The following PSD4 variants were observed in gnomAD, a reference collection of about 807,000 sequenced individuals.
PSD4 encodes the protein PH and SEC7 domain-containing protein 4.
A neutral mutation model predicts 112.5 loss-of-function variants in PSD4; 59 were observed. The ratio of observed to expected loss-of-function variants is 0.52; its 90% CI spans 0.43 to 0.65. The LOEUF is 0.65. Ranked by LOEUF, PSD4 falls within the 30% of genes least tolerant of loss-of-function variation. The pLI, the probability that PSD4 is intolerant of heterozygous loss-of-function variation, is 0.00. For missense variants in PSD4, 1,267 were observed against 1,352.6 expected, an observed-to-expected ratio of 0.94 and a Z score of 0.99; for synonymous variants, 533 against 540.0, an observed-to-expected ratio of 0.99 and a Z score of 0.18.
At position 113,206,257 on chromosome 2, in the gene PSD4, G is replaced by C. The variant is rs1399068574; in HGVS notation, c.*4842G>C. The C allele has an allele frequency of 6.6e-6, 1 of 152,254 alleles. No homozygotes were observed. Among genetic ancestry groups the C allele is most frequent in the South Asian group, 2.1e-4 (1 of 4,836 alleles). The allele number at this position is 152,254 out of a possible 1,614,324, so 9.4% of individuals were successfully genotyped here. On this transcript the variant is annotated 3_prime_UTR_variant, in exon 17 of 17. Coordinates refer to ENST00000245796, the MANE Select transcript of PSD4 (RefSeq NM_012455.3). ...TGTGATGAATTCACGGTATGTGTGG[G>C]CTTTGCCAACTGTTCCCAGCCCTTA...
In PSD4 at chr2:113,207,621, T is replaced by A. The variant is rs7563124; in HGVS notation, c.*6206T>A. Reference sequence around the variant, plus strand: ...ACAGGCGCCCGCTACCATGCCCGGCTAATTTTTTTGTATTTTTAGTAGAGA... The same window carrying A: ...ACAGGCGCCCGCTACCATGCCCGGCAAATTTTTTTGTATTTTTAGTAGAGA... On this transcript the variant is annotated 3_prime_UTR_variant, in exon 17 of 17. Coordinates refer to ENST00000245796, the MANE Select transcript of PSD4 (RefSeq NM_012455.3). 39,819 of 151,210 alleles carry A rather than the reference T, an allele frequency of 0.26. 5,636 individuals carry two copies. The highest frequency in any genetic ancestry group is 0.39 in the African/African-American group (15,968 of 41,086). The allele number at this position is 151,210 out of a possible 1,614,324, so 9.4% of individuals were successfully genotyped here.
chr2:113,192,060 A>G (rs1228797683), intron 5 of PSD4, among the ~76,000 whole-genome samples: 2 of 151,834 alleles, frequency 1.3e-5, no homozygotes, highest in East Asian at 3.9e-4. Context: ...CGTGCCTTGC[A>G]TTGGAGAAAA....
Position 113,193,320 on chromosome 2 carries a change from A to T in PSD4, c.1982A>T (p.Gln661Leu). The change falls in exon 8 of 17, where the codon CAG (glutamine) becomes CTG (leucine). Residue 661 changes from glutamine to leucine, a missense_variant. Coordinates refer to ENST00000245796, the MANE Select transcript of PSD4 (RefSeq NM_012455.3). Reference sequence around the variant, plus strand: ...CAGGAACGGGAGCGAATCCTCTACCAGTTCTCCAGACGCTTCCACCATTGC... The same window carrying T: ...CAGGAACGGGAGCGAATCCTCTACCTGTTCTCCAGACGCTTCCACCATTGC... ...ETQERERILY[Q>L]FSRRFHHCNP... 6.2e-7 allele frequency: 1 copy of T among 1,601,530 alleles called. No homozygotes were observed. Among genetic ancestry groups the T allele is most frequent in the Non-Finnish European group, 8.5e-7 (1 of 1,176,198 alleles).
chr2:113,200,383 G>A (rs899085443), intron 16 of PSD4, among the ~76,000 whole-genome samples: 26 of 152,172 alleles, frequency 1.7e-4, no homozygotes, highest in African/African-American at 7.2e-5. Context: ...ACCAGGAAGT[G>A]GGAGTCAACA....
chr2:113,176,335 G>T (rs142573916), intron 1 of PSD4, among the ~76,000 whole-genome samples: 18 of 152,312 alleles, frequency 1.2e-4, no homozygotes, highest in Admixed American at 3.9e-4. Context: ...CTGCCTTCTA[G>T]TCCCTCAGCC....
At chr2:113,186,594 C>T (rs140648691) in intron 5 of PSD4, among the ~76,000 whole-genome samples, 244 of 152,286 alleles carry the variant, frequency 1.6e-3, no homozygotes, top group Middle Eastern at 0.014. Context: ...CCCAGAAAAA[C>T]GGGAGCCATG....
intron 12 of PSD4, chr2:113,197,208 C>A: frequency 2.7e-6 from 1 of 369,290 alleles, no homozygotes; most frequent in Non-Finnish European, 5.2e-6. Flanking sequence ...CCTGCAGGGA[C>A]TAGAAAGCTG....
chr2:113,174,347 G>A (rs1687907850), intron 1 of PSD4, among the ~76,000 whole-genome samples: 1 of 152,098 alleles, frequency 6.6e-6, no homozygotes, highest in Non-Finnish European at 1.5e-5. Context: ...CCCTTCCCTG[G>A]CTCCCCGCAG....
chr2:113,194,559 T>C (rs963034198), intron 10 of PSD4, among the ~76,000 whole-genome samples: 5 of 152,232 alleles, frequency 3.3e-5, no homozygotes, highest in Non-Finnish European at 7.3e-5. Context: ...ATTTTCACTA[T>C]TGTGTGAACA....
chr2:113,179,454 G>A (rs574756731), intron 1 of PSD4, among the ~76,000 whole-genome samples: 28 of 152,324 alleles, frequency 1.8e-4, no homozygotes, highest in Admixed American at 1.6e-3. Context: ...GACCCCAAGA[G>A]AGGGTTCTTG....
In PSD4 at chr2:113,184,990, C is replaced by G; in HGVS notation, c.1090C>G (p.Pro364Ala). The G allele has an allele frequency of 1.9e-6, 3 of 1,614,240 alleles. No individual in the cohort carries two copies. The South Asian group carries it at 3.3e-5, about 18-fold the overall frequency. Reference sequence around the variant, plus strand: ...GCTTGGTCCTGCTCCATCTGCAGCACCGTGTGTGGACGAAGCATTGACCTG... The same window carrying G: ...GCTTGGTCCTGCTCCATCTGCAGCAGCGTGTGTGGACGAAGCATTGACCTG... ...DRLGPAPSAA[P>A]CVDEALTWES... Residue 364 changes from proline (P) to alanine (A), a missense_variant, in exon 3 of 17, where the codon CCG becomes GCG. By Grantham distance (27) the Pro-to-Ala change is conservative. This residue lies in a region of PSD4 where 723 missense variants were observed against 704.0 expected (regional missense o/e 1.03). Transcript: ENST00000245796.
At position 113,186,036 on chromosome 2, in the gene PSD4, C is replaced by A; in HGVS notation, c.1409C>A (p.Pro470Gln). ...PSPASSQEGSPQLQHHSSGIL... is the reference protein window; with the variant it reads ...PSPASSQEGSQQLQHHSSGIL... ...CCTGCATCGTCCCAGGAGGGCAGCC[C>A]GCAGCTTCAACACCACAGCTCAGGC... Residue 470 changes from proline (P) to glutamine (Q), a missense_variant, in exon 5 of 17, where the codon CCG becomes CAG. Pro to Gln is a moderately conservative substitution (Grantham distance 76, BLOSUM62 -1). Coordinates refer to ENST00000245796, the MANE Select transcript of PSD4 (RefSeq NM_012455.3). The A allele has an allele frequency of 6.2e-7, 1 of 1,614,202 alleles. No individual in the cohort carries two copies. Among genetic ancestry groups the A allele is most frequent in the Non-Finnish European group, 8.5e-7 (1 of 1,180,030 alleles).
chr2:113,198,440 T>G, intron 14 of PSD4: 1 of 311,018 alleles, frequency 3.2e-6, no homozygotes, highest in Non-Finnish European at 5.8e-6. Flanking sequence ...CCTGGCTAAT[T>G]TGTGTATTTT....
chr2:113,205,725 T>C lies in PSD4; in HGVS notation c.*4310T>C, dbSNP rs1455996367. 6.6e-6 allele frequency: 1 copy of C among 152,210 alleles called. No individual in the cohort carries two copies. Among genetic ancestry groups the C allele is most frequent in the Non-Finnish European group, 1.5e-5 (1 of 68,040 alleles). 9.4% of individuals were successfully genotyped at this position (152,210 alleles called of 1,614,324 possible). A position where few individuals can be genotyped will look rare whatever the true frequency, so the allele number is the denominator to read the frequency against. On this transcript the variant is annotated 3_prime_UTR_variant, in exon 17 of 17. Transcript: ENST00000245796. ...TGCACTGTACTATTTGTGTAACTTA[T>C]ATGTAAATCTGAAATTATTTCAAAA...
rs1270980077 is a variant in PSD4 at position 113,198,893 on chromosome 2, T to C, written c.2769+9T>C. On this transcript the variant is annotated intron_variant, in intron 15 of 16. Transcript: ENST00000245796. ...CCGCCCAGAGCTCCCTGGTACGGCC[T>C]CCGGGAAGGGGTGGGGTCCGGCGGA... is the stretch of plus-strand genomic sequence containing the variant. 1.3e-6 allele frequency: 2 copies of C among 1,574,544 alleles called. No homozygotes were observed. Among genetic ancestry groups the C allele is most frequent in the African/African-American group, 2.7e-5 (2 of 74,344 alleles).
In PSD4 at chr2:113,199,083, G is replaced by A. The variant is rs1688700687; in HGVS notation, c.2770G>A (p.Glu924Lys). The A allele has an allele frequency of 1.3e-6, 2 of 1,528,396 alleles. No individual in the cohort carries two copies. The highest frequency in any genetic ancestry group is 1.2e-5 in the South Asian group (1 of 82,606). The allele number at this position is 1,528,396 out of a possible 1,614,324, so 94.7% of individuals were successfully genotyped here. ...LPVGPAQSSL[E>K]EQHRSHENCL... is the part of the protein sequence containing the mutation. ...GCCCCTCACCGCCCGCTGCTCGCAG[G>A]AGGAGCAGCATCGATCCCACGAGAA... The change falls in exon 16 of 17, where the codon GAG becomes AAG. Residue 924 changes from glutamate (E) to lysine (K), a missense_variant and splice_region_variant. Transcript: ENST00000245796.
intron 11 of PSD4, 84 bp downstream of exon 11, chr2:113,195,854 T>C: frequency 6.4e-7 from 1 of 1,556,182 alleles, no homozygotes; most frequent in South Asian, 1.1e-5. Flanking sequence ...CACCCGAGAG[T>C]TAGAGAAACT....
chr2:113,194,554 C>T (rs2104505571), intron 10 of PSD4, among the ~76,000 whole-genome samples: 1 of 152,316 alleles, frequency 6.6e-6, no homozygotes, highest in East Asian at 1.9e-4. Context: ...TGGGCATTTT[C>T]ACTATTGTGT....
intron 9 of PSD4, 56 bp downstream of exon 9, chr2:113,193,706 G>T: frequency 6.3e-7 from 1 of 1,583,278 alleles, no homozygotes; most frequent in Non-Finnish European, 8.7e-7. Context: ...GGGGTGCGGG[G>T]AGGAGAAGAC....
Sources: allele counts gnomAD v4.1 joint callset (sites outside exome capture counted in the v4.1 genomes callset), GRCh38; gene constraint gnomAD v4.1.1; regional missense constraint gnomAD v4.1.1; transcripts MANE v1.5; gene names NCBI Gene and HGNC (gene_info 2026-07-23, HGNC 2026-07-21).